The following RNF130 variants were observed in gnomAD, a reference collection of about 807,000 sequenced individuals.
The protein encoded by RNF130 is ring finger protein 130.
RNF130 carries 21 observed loss-of-function variants against 44.6 expected under a neutral mutation model. That is an observed-to-expected ratio of 0.47 (90% CI 0.33 to 0.68). RNF130 has a LOEUF of 0.68. Ranked by LOEUF, RNF130 falls within the 30% of genes least tolerant of loss-of-function variation. The pLI is 0.02. For synonymous variants in RNF130, 214 were observed against 210.4 expected (o/e 1.02, Z -0.15); for missense variants, 479 against 560.6 (o/e 0.85, Z 1.47).
At position 180,066,349 on chromosome 5, in the gene RNF130, C is replaced by T. The variant is rs537977469; in HGVS notation, c.247+5107G>A. 1.1e-3 allele frequency among the ~76,000 whole-genome samples: 166 copies of T among 152,316 alleles called. 2 individuals are homozygous for T. Among genetic ancestry groups the T allele is most frequent in the Non-Finnish European group, 6.3e-4 (43 of 68,022 alleles). On this transcript the variant is annotated intron_variant, in intron 1 of 8. Coordinates refer to ENST00000521389, the MANE Select transcript of RNF130 (RefSeq NM_018434.6). Reference sequence around the variant, plus strand: ...TCTGCCACCCACCATGATTCTGAGGCCTCCTCAGCCATGTGAAACTGTATA... The same window carrying T: ...TCTGCCACCCACCATGATTCTGAGGTCTCCTCAGCCATGTGAAACTGTATA...
rs371756895 is a variant in RNF130 at position 180,053,578 on chromosome 5, T to G, written c.248-12931A>C. The stretch of plus-strand genomic sequence containing the variant: ...AGCCCAGAAAGTTGAAGGTTGCCAG[T>G]AATGATAGGAACAAGCAAAGCTACT... On this transcript the variant is annotated intron_variant, in intron 1 of 8. Coordinates refer to ENST00000521389, the MANE Select transcript of RNF130 (RefSeq NM_018434.6). 7.9e-5 allele frequency among the ~76,000 whole-genome samples: 12 copies of G among 152,294 alleles called. No homozygotes were observed. In the East Asian group the frequency reaches 1.3e-3, roughly 17 times the overall value.
chr5:179,984,843 T>C (rs2113723018), intron 3 of RNF130, among the ~76,000 whole-genome samples: 1 of 152,280 alleles, frequency 6.6e-6, no homozygotes, highest in Admixed American at 6.5e-5. Flanking sequence ...ACATTTCCAG[T>C]GCCAACATGA....
intron 7 of RNF130, among the ~76,000 whole-genome samples, chr5:179,929,403 TTA>T (rs2113674863): frequency 6.6e-6 from 1 of 152,334 alleles, no homozygotes; most frequent in South Asian, 2.1e-4. Flanking sequence ...TTTTGCTTTA[TTA>T]TTCTTCAAAA....
intron 2 of RNF130, among the ~76,000 whole-genome samples, chr5:180,014,490 T>C (rs973777332): frequency 1.3e-5 from 2 of 152,140 alleles, no homozygotes; most frequent in Non-Finnish European, 2.9e-5. Context: ...AACCACTTAT[T>C]TGAATTTGAA....
intron 7 of RNF130, among the ~76,000 whole-genome samples, chr5:179,921,070 A>G (rs759994319): frequency 5.3e-5 from 8 of 152,110 alleles, no homozygotes; most frequent in Non-Finnish European, 7.4e-5. Context: ...CTCAAAGCTG[A>G]GCTGTGCTTA....
chr5:180,028,322 T>A (rs914302855), intron 2 of RNF130, among the ~76,000 whole-genome samples: 2 of 152,202 alleles, frequency 1.3e-5, no homozygotes, highest in Non-Finnish European at 2.9e-5. Context: ...TGTTTATGCT[T>A]GGAGCTCTAA....
chr5:179,976,597 G>C (rs1431088758), intron 5 of RNF130, among the ~76,000 whole-genome samples: 2 of 152,002 alleles, frequency 1.3e-5, no homozygotes, highest in Non-Finnish European at 2.9e-5. Context: ...CTTACATTTA[G>C]TTTTATAGAT....
At chr5:179,938,614 C>T (rs532972685) in intron 7 of RNF130, among the ~76,000 whole-genome samples, 1 of 152,058 alleles carries the variant, frequency 6.6e-6, no homozygotes, top group Non-Finnish European at 1.5e-5. Flanking sequence ...ACCTAGTTTA[C>T]CAGCTTTACA....
At chr5:180,057,831 AG>A (rs2113173690) in intron 1 of RNF130, among the ~76,000 whole-genome samples, 1 of 152,270 alleles carries the variant, frequency 6.6e-6, no homozygotes, top group East Asian at 1.9e-4. Flanking sequence ...TATCAAACTG[AG>A]TAGGGCGTTA....
downstream of RNF130, among the ~76,000 whole-genome samples, chr5:179,953,772 A>G (rs1362998509): frequency 1.3e-5 from 2 of 152,250 alleles, no homozygotes; most frequent in African/African-American, 2.4e-5. Flanking sequence ...AACTTCATCT[A>G]AATTTAAAAC....
chr5:179,992,536 T>C (rs1215863097), intron 3 of RNF130, among the ~76,000 whole-genome samples: 3 of 152,214 alleles, frequency 2.0e-5, no homozygotes, highest in South Asian at 2.1e-4. Flanking sequence ...AAAAAACTTA[T>C]CTTACTTGAC....
At chr5:179,940,887 T>A (rs997654138) in intron 7 of RNF130, among the ~76,000 whole-genome samples, 5 of 150,528 alleles carry the variant, frequency 3.3e-5, no homozygotes, top group African/African-American at 1.2e-4. Context: ...TTTCTGTATT[T>A]TTCTTCTCAT....
chr5:179,920,364 A>C lies in RNF130; in HGVS notation c.1213T>G (p.Ser405Ala), dbSNP rs1042365638. The change falls in exon 8 of 8, where the codon TCC (serine) becomes GCC (alanine). Residue 405 changes from serine (S) to alanine (A), a missense_variant. Ser to Ala is a moderately conservative substitution (Grantham distance 99, BLOSUM62 1). Coordinates refer to the RNF130 transcript ENST00000522208. ...ATGTCCAAAGAAGGTTCGATGGTGG[A>C]GAATTCACTTTCATACACCAGACTC... 1.3e-5 allele frequency: 9 copies of C among 702,570 alleles called. No homozygotes were observed. The Admixed American group carries it at 1.6e-4, about 12-fold the overall frequency. The allele number at this position is 702,570 out of a possible 1,614,324, so 43.5% of individuals were successfully genotyped here.
intron 7 of RNF130, among the ~76,000 whole-genome samples, chr5:179,922,637 G>A (rs887171394): frequency 6.6e-6 from 1 of 151,602 alleles, no homozygotes; most frequent in African/African-American, 2.4e-5. Flanking sequence ...TCAAGTATGA[G>A]GGTTTAAAAA....
intron 2 of RNF130, among the ~76,000 whole-genome samples, chr5:180,038,362 CAG>C (rs953471124): frequency 3.4e-5 from 5 of 148,738 alleles, no homozygotes; most frequent in Admixed American, 1.4e-4. Context: ...TCCTGTGCAA[CAG>C]AGTTAGACCC....
At chr5:179,968,640 TG>T (rs1762507442) in intron 6 of RNF130, among the ~76,000 whole-genome samples, 1 of 138,330 alleles carries the variant, frequency 7.2e-6, no homozygotes, top group African/African-American at 2.8e-5. Flanking sequence ...CACTCCAGCC[TG>T]GGTGACAAAG....
chr5:179,914,290 TC>T (rs1761509150), exon 8 of RNF130: 1 of 152,228 alleles, frequency 6.6e-6, no homozygotes, highest in African/African-American at 2.4e-5. Context: ...CTTCCCACAC[TC>T]CCTGACAGTG....
chr5:180,013,020 C>CT (rs750198057), intron 3 of RNF130, 41 bp downstream of exon 3: 31 of 1,578,048 alleles, frequency 2.0e-5, no homozygotes, highest in Non-Finnish European at 2.6e-5. Context: ...ACTGTGAACT[C>CT]TGGCTGTTAC....
chr5:180,059,364 G>A (rs534109218), intron 1 of RNF130, among the ~76,000 whole-genome samples: 17 of 152,256 alleles, frequency 1.1e-4, no homozygotes, highest in African/African-American at 2.6e-4. Context: ...TTAAATAATC[G>A]TGTTATGACC....
Sources: gnomAD v4.1 joint callset for allele counts (sites outside exome capture counted in the v4.1 genomes callset) on GRCh38, gnomAD v4.1.1 for gene constraint, MANE v1.5 for transcripts, NCBI Gene and HGNC (gene_info 2026-07-23, HGNC 2026-07-21) for gene names.